CLASP2: variants seen among roughly 807,000 people sequenced by gnomAD.
The protein encoded by CLASP2 is cytoplasmic linker associated protein 2.
CLASP2 carries 47 observed loss-of-function variants against 194.4 expected under a neutral mutation model. The observed-to-expected ratio is 0.24, with a 90% CI of 0.19 to 0.31. The LOEUF is 0.31. Ranked by LOEUF, CLASP2 falls within the 10% of genes least tolerant of loss-of-function variation. CLASP2 has a pLI of 1.00. For synonymous variants in CLASP2, 619 were observed against 633.5 expected, an observed-to-expected ratio of 0.98 and a Z score of 0.34; for missense variants, 1,445 against 1,823.6, an observed-to-expected ratio of 0.79 and a Z score of 3.78.
intron 11 of CLASP2, among the ~76,000 whole-genome samples, chr3:33,620,855 C>T (rs563635676): frequency 2.2e-4 from 34 of 152,234 alleles, no homozygotes; most frequent in African/African-American, 7.9e-4. Context: ...CTCTCCTACC[C>T]CTATATGAGC....
intron 7 of CLASP2, among the ~76,000 whole-genome samples, chr3:33,662,656 A>G (rs1294102465): frequency 6.6e-6 from 1 of 152,178 alleles, no homozygotes; most frequent in Non-Finnish European, 1.5e-5. Flanking sequence ...TTGACTGTAA[A>G]TTCACACACC....
chr3:33,628,732 G>A (rs895554678), intron 9 of CLASP2, among the ~76,000 whole-genome samples: 2 of 151,940 alleles, frequency 1.3e-5, no homozygotes, highest in Non-Finnish European at 2.9e-5. Flanking sequence ...TTAAAATCTC[G>A]GCATTATCTA....
chr3:33,506,301 A>G (rs1165094358), intron 37 of CLASP2, among the ~76,000 whole-genome samples: 1 of 144,444 alleles, frequency 6.9e-6, no homozygotes, highest in Non-Finnish European at 1.5e-5. Context: ...TTGCTTGAAC[A>G]CAGGAGGCAG....
At chr3:33,635,178 T>G (rs1456419645) in intron 8 of CLASP2, among the ~76,000 whole-genome samples, 2 of 151,770 alleles carry the variant, frequency 1.3e-5, no homozygotes, top group Admixed American at 1.3e-4. Flanking sequence ...GAGAATCGCT[T>G]GAACCTGGGA....
At position 33,498,414 on chromosome 3, in the gene CLASP2, C is replaced by T. The variant is rs1391819684; in HGVS notation, c.*217G>A. The T allele has an allele frequency of 4.6e-6, 2 of 430,656 alleles. No individual in the cohort carries two copies. Among genetic ancestry groups the T allele is most frequent in the Admixed American group, 7.8e-5 (2 of 25,522 alleles). 26.7% of individuals were successfully genotyped at this position (430,656 alleles called of 1,614,324 possible). A position where few individuals can be genotyped will look rare whatever the true frequency, so the allele number is the denominator to read the frequency against. On this transcript the variant is annotated 3_prime_UTR_variant, in exon 39 of 39. Coordinates refer to ENST00000682230, the MANE Select transcript of CLASP2 (RefSeq NM_001365631.1). Reference sequence around the variant, plus strand: ...TTGTGTCGATCAATTGATGTTAATACTGCTTCTTCTTGAATTTGGAATAAC... The same window carrying T: ...TTGTGTCGATCAATTGATGTTAATATTGCTTCTTCTTGAATTTGGAATAAC...
intron 2 of CLASP2, among the ~76,000 whole-genome samples, chr3:33,696,409 C>A (rs2091917440): frequency 8.8e-6 from 1 of 113,568 alleles, no homozygotes; most frequent in Non-Finnish European, 1.7e-5. Context: ...AAGTTTAAAA[C>A]CTTGTCTCTG....
rs1372092937 is a variant in CLASP2 at position 33,674,262 on chromosome 3, T to C, written c.644+10097A>G. 4.6e-5 allele frequency among the ~76,000 whole-genome samples: 7 copies of C among 152,120 alleles called. No homozygotes were observed. In the East Asian group the frequency reaches 1.4e-3, roughly 29 times the overall value. On this transcript the variant is annotated intron_variant, in intron 6 of 38. Coordinates refer to ENST00000682230, the MANE Select transcript of CLASP2 (RefSeq NM_001365631.1). ...AACTATCTCTCAGACCACAGTGCAA[T>C]CAAACTAGAACTCAGCATTAAGAAA...
chr3:33,580,294 G>C (rs755826502), intron 23 of CLASP2, among the ~76,000 whole-genome samples: 2 of 152,176 alleles, frequency 1.3e-5, no homozygotes, highest in Non-Finnish European at 2.9e-5. Flanking sequence ...AGGTGCAGTG[G>C]ATCACACCTG....
chr3:33,707,726 A>G (rs536061506), intron 1 of CLASP2, among the ~76,000 whole-genome samples: 13 of 152,340 alleles, frequency 8.5e-5, no homozygotes, highest in African/African-American at 2.9e-4. Context: ...TAACTAAATT[A>G]CCAATTTACA....
At chr3:33,645,106 G>C in intron 7 of CLASP2, 2 of 662,182 alleles carry the variant, frequency 3.0e-6, no homozygotes, top group South Asian at 3.4e-5. Context: ...TCAAAATGCA[G>C]TATTTTCATA....
chr3:33,661,137 C>T (rs1163575663), intron 7 of CLASP2, among the ~76,000 whole-genome samples: 3 of 152,134 alleles, frequency 2.0e-5, no homozygotes, highest in Non-Finnish European at 4.4e-5. Context: ...AATGGTCTTT[C>T]ACTTGGCAGC....
chr3:33,511,337 G>T (rs761517852), intron 36 of CLASP2, among the ~76,000 whole-genome samples: 2 of 152,054 alleles, frequency 1.3e-5, no homozygotes, highest in Non-Finnish European at 2.9e-5. Context: ...GCCGTGAGCG[G>T]CCTTAAAGTA....
chr3:33,568,823 G>A (rs534310351), intron 26 of CLASP2, among the ~76,000 whole-genome samples: 2 of 152,248 alleles, frequency 1.3e-5, no homozygotes, highest in South Asian at 4.1e-4. Context: ...GCTTGATTCT[G>A]AAGATGGAAC....
chr3:33,585,772 A>C (rs1404734550), intron 21 of CLASP2, among the ~76,000 whole-genome samples: 1 of 152,020 alleles, frequency 6.6e-6, no homozygotes, highest in Non-Finnish European at 1.5e-5. Context: ...ATATGTGGTC[A>C]CTGATTAAAT....
intron 1 of CLASP2, among the ~76,000 whole-genome samples, chr3:33,717,155 T>A (rs1452093735): frequency 6.6e-6 from 1 of 152,226 alleles, no homozygotes; most frequent in Non-Finnish European, 1.5e-5. Flanking sequence ...CTAAGACACA[T>A]CAACCTAAAA....
At chr3:33,593,969 G>A (rs1441123015) in intron 20 of CLASP2, among the ~76,000 whole-genome samples, 1 of 152,046 alleles carries the variant, frequency 6.6e-6, no homozygotes. Context: ...TCAGCCTCCA[G>A]AATAGGTGGG....
intron 21 of CLASP2, among the ~76,000 whole-genome samples, chr3:33,591,095 G>C (rs1342014405): frequency 2.0e-5 from 3 of 152,132 alleles, no homozygotes; most frequent in Non-Finnish European, 4.4e-5. Context: ...AGGATCCCTT[G>C]AGCCCAGGAG....
At chr3:33,688,494 A>G in intron 3 of CLASP2, 126 bp from the exon 4 acceptor site, 1 of 702,834 alleles carries the variant, frequency 1.4e-6, no homozygotes, top group South Asian at 2.1e-5. Context: ...ACTGTTGTTC[A>G]TTTCTCCACT....
At chr3:33,713,417 G>C (rs1430043217) in intron 1 of CLASP2, among the ~76,000 whole-genome samples, 3 of 152,060 alleles carry the variant, frequency 2.0e-5, no homozygotes, top group Non-Finnish European at 4.4e-5. Flanking sequence ...AAAACAACCT[G>C]GATGTTCACC....
Sources: gnomAD v4.1 joint callset for allele counts (sites outside exome capture counted in the v4.1 genomes callset) on GRCh38, gnomAD v4.1.1 for gene constraint, MANE v1.5 for transcripts, NCBI Gene and HGNC (gene_info 2026-07-23, HGNC 2026-07-21) for gene names.